The following LSS variants were observed in gnomAD, a reference collection of about 807,000 sequenced individuals.
LSS encodes the protein 2,3-epoxysqualene-lanosterol cyclase.
In LSS, 90 loss-of-function variants were observed where a neutral mutation model predicts 110.3. The ratio of observed to expected loss-of-function variants is 0.82; its 90% CI spans 0.69 to 0.97. LSS has a LOEUF of 0.97. Among genes scored for constraint, LSS ranks in the 50% least tolerant of loss-of-function variants. The pLI, the probability that LSS is intolerant of heterozygous loss-of-function variation, is 0.00. For missense variants in LSS, 927 were observed against 990.0 expected, an observed-to-expected ratio of 0.94 and a Z score of 0.85; for synonymous variants, 433 against 400.0, an observed-to-expected ratio of 1.08 and a Z score of -0.98.
At chr21:46,222,890 T>C in intron 3 of LSS, 152 bp from the exon 4 acceptor site, 1 of 636,978 alleles carries the variant, frequency 1.6e-6, no homozygotes, top group Non-Finnish European at 2.8e-6. Context: ...CAGGCCCCCA[T>C]GGGGAACTTT....
intron 3 of LSS, chr21:46,225,469 G>A (rs1251836466): frequency 2.2e-6 from 1 of 447,272 alleles, no homozygotes; most frequent in Non-Finnish European, 4.5e-6. Context: ...TTTCCCCGGG[G>A]GAGTTTAGAG....
chr21:46,198,056 G>A (rs543420540), intron 17 of LSS, among the ~76,000 whole-genome samples: 5 of 152,004 alleles, frequency 3.3e-5, no homozygotes, highest in South Asian at 2.1e-4. Flanking sequence ...CAAAGCAGAC[G>A]GGAGTTTGAG....
At chr21:46,203,549 C>T (rs1214697581) in intron 17 of LSS, among the ~76,000 whole-genome samples, 1 of 152,238 alleles carries the variant, frequency 6.6e-6, no homozygotes, top group Admixed American at 6.5e-5. Context: ...ACCTGCTTTA[C>T]TTTTATTACA....
At chr21:46,192,564 AC>A (rs1380187968) in intron 20 of LSS, 4 of 395,314 alleles carry the variant, frequency 1.0e-5, no homozygotes, top group Admixed American at 2.6e-5. Context: ...GTGTGCATAG[AC>A]CTGTATGTAC....
At chr21:46,213,667 A>C in intron 10 of LSS, 71 bp downstream of exon 10, 1 of 1,393,538 alleles carries the variant, frequency 7.2e-7, no homozygotes, top group Non-Finnish European at 1.0e-6. Context: ...GGGCCCCCTC[A>C]CTGGGATGCA....
At chr21:46,208,638 G>C (rs1468932987) in intron 13 of LSS, among the ~76,000 whole-genome samples, 1 of 152,220 alleles carries the variant, frequency 6.6e-6, no homozygotes, top group Non-Finnish European at 1.5e-5. Flanking sequence ...CTCTGTGCCA[G>C]GCGCCCCCAA....
chr21:46,198,774 G>A (rs1209547302), intron 17 of LSS, among the ~76,000 whole-genome samples: 2 of 122,884 alleles, frequency 1.6e-5, no homozygotes, highest in Non-Finnish European at 3.2e-5. Context: ...GCAACAAAAT[G>A]ACCCAAAAAG....
In LSS at chr21:46,189,264, C is replaced by A; in HGVS notation, c.*1840G>T. ...TACAGTCTGACCATGGCTAGGAGTC[C>A]CAGGGACAGCAGCCTCTGCTCAGGG... On this transcript the variant is annotated 3_prime_UTR_variant, in exon 22 of 22. Transcript: ENST00000397728. The A allele has an allele frequency of 4.4e-6, 1 of 226,514 alleles. No individual in the cohort carries two copies. Among genetic ancestry groups the A allele is most frequent in the Non-Finnish European group, 8.9e-6 (1 of 112,396 alleles). The allele number at this position is 226,514 out of a possible 1,614,324, so 14.0% of individuals were successfully genotyped here. A position where few individuals can be genotyped will look rare whatever the true frequency, so the allele number is the denominator to read the frequency against.
At chr21:46,224,154 T>C (rs1321624816) in intron 3 of LSS, among the ~76,000 whole-genome samples, 1 of 152,210 alleles carries the variant, frequency 6.6e-6, no homozygotes, top group African/African-American at 2.4e-5. Flanking sequence ...AAGTCTCTGA[T>C]ATGCAGAAAT....
Position 46,207,439 on chromosome 21 carries a change from C to A in LSS, c.1456G>T (p.Ala486Ser). 1 of 1,612,336 alleles carries A rather than the reference C, an allele frequency of 6.2e-7. No individual in the cohort carries two copies. Among genetic ancestry groups the A allele is most frequent in the Non-Finnish European group, 8.5e-7 (1 of 1,179,624 alleles). ...GACCACAGCCTTACCACAGCCACAG[C>A]ATCGCAGAGCCGTTCTCTGGGGATG... ...EHIPRERLCDAVAVLLNMRNP... is the reference protein window; with the variant it reads ...EHIPRERLCDSVAVLLNMRNP... The change falls in exon 15 of 22, where the codon GCT becomes TCT. Residue 486 changes from alanine (A) to serine (S), a missense_variant. Ala to Ser is a moderately conservative substitution (Grantham distance 99, BLOSUM62 1). Coordinates refer to ENST00000397728, the MANE Select transcript of LSS (RefSeq NM_002340.6).
Position 46,215,281 on chromosome 21 carries a change from C to T in LSS, c.910G>A (p.Glu304Lys), listed in dbSNP as rs1352050845. 2 of 1,609,416 alleles carry T rather than the reference C, an allele frequency of 1.2e-6. No individual in the cohort carries two copies. Among genetic ancestry groups the T allele is most frequent in the East Asian group, 4.5e-5 (2 of 44,866 alleles). ...RVVYALLNLY[E>K]HHHSAHLRQR... ...CGCAGGTGGGCACTGTGGTGGTGCT[C>T]ATACAGGTTGAGGAGCGCTACAGGG... Residue 304 changes from glutamate to lysine, a missense_variant, in exon 9 of 22, where the codon GAG becomes AAG. Coordinates refer to ENST00000397728, the MANE Select transcript of LSS (RefSeq NM_002340.6).
chr21:46,192,596 GTC>G (rs1253407278), intron 20 of LSS: 4 of 293,442 alleles, frequency 1.4e-5, no homozygotes, highest in South Asian at 4.4e-5. Context: ...ATGTACGTAT[GTC>G]TGTGTGGCAC....
intron 17 of LSS, among the ~76,000 whole-genome samples, chr21:46,202,503 G>A (rs890999603): frequency 6.6e-6 from 1 of 151,514 alleles, no homozygotes; most frequent in Non-Finnish European, 1.5e-5. Context: ...GAGATAAAAA[G>A]AACAAAGAAA....
At chr21:46,201,070 T>C (rs112577456) in intron 17 of LSS, among the ~76,000 whole-genome samples, 1 of 145,392 alleles carries the variant, frequency 6.9e-6, no homozygotes, top group African/African-American at 2.7e-5. Flanking sequence ...GGGTAGAGCC[T>C]GGATCACGTG....
chr21:46,202,069 C>T (rs2079985284), intron 17 of LSS, among the ~76,000 whole-genome samples: 1 of 143,672 alleles, frequency 7.0e-6, no homozygotes, highest in Non-Finnish European at 1.5e-5. Flanking sequence ...GCTGGGATTA[C>T]AGGCGTCAGC....
Position 46,222,500 on chromosome 21 carries a change from C to T in LSS, c.428+130G>A, listed in dbSNP as rs6518279. On this transcript the variant is annotated intron_variant, in intron 4 of 21. Transcript: ENST00000397728. ...CCACTCCCCGCCTGCTAGTCTCTCC[C>T]TCACCCACCCCACACCCACAGCTGC... The T allele has an allele frequency of 0.016, 12,015 of 756,122 alleles. 847 individuals are homozygous for T. In the African/African-American group the frequency reaches 0.17, roughly 11 times the overall value. The allele number at this position is 756,122 out of a possible 1,614,324, so 46.8% of individuals were successfully genotyped here. A position where few individuals can be genotyped will look rare whatever the true frequency, so the allele number is the denominator to read the frequency against.
intron 6 of LSS, among the ~76,000 whole-genome samples, chr21:46,218,415 G>C (rs1173331462): frequency 2.0e-5 from 3 of 152,116 alleles, no homozygotes; most frequent in African/African-American, 7.2e-5. Context: ...CCTGAGGTCA[G>C]GAGTTTGAGA....
intron 5 of LSS, 197 bp downstream of exon 5, chr21:46,221,657 T>C (rs2080280506): frequency 5.8e-6 from 4 of 693,606 alleles, no homozygotes; most frequent in South Asian, 1.9e-5. Flanking sequence ...TCACTGTGCC[T>C]GGCTCTTAAT....
At position 46,222,644 on chromosome 21, in the gene LSS, G is replaced by A. The variant is rs540564624; in HGVS notation, c.414C>T (p.Asp138=). The A allele has an allele frequency of 6.9e-5, 111 of 1,613,410 alleles. 1 individual carries two copies. Among genetic ancestry groups the A allele is most frequent in the South Asian group, 5.2e-4 (47 of 91,060 alleles). The part of the protein sequence containing the change: ...VRYLRSVQLP[D]GGWGLHIEDK... ...GGCACACTCACAGGCCCCAGCCACC[G>A]TCAGGGAGCTGCACTGACCGCAGGT... The change falls in exon 4 of 22, where the codon GAC becomes GAT. Residue 138 remains aspartate (D), a synonymous_variant. Coordinates refer to ENST00000397728, the MANE Select transcript of LSS (RefSeq NM_002340.6).
Sources: gnomAD v4.1 joint callset for allele counts (sites outside exome capture counted in the v4.1 genomes callset) on GRCh38, gnomAD v4.1.1 for gene constraint, MANE v1.5 for transcripts, NCBI Gene and HGNC (gene_info 2026-07-23, HGNC 2026-07-21) for gene names.